KLHL29: variants seen among roughly 807,000 people sequenced by gnomAD.
The protein encoded by KLHL29 is kelch like family member 29.
A neutral mutation model predicts 80.4 loss-of-function variants in KLHL29; 21 were observed. That is an observed-to-expected ratio of 0.26 (90% confidence interval 0.19 to 0.38). The LOEUF is 0.38. Ranked by LOEUF, KLHL29 falls within the 10% of genes least tolerant of loss-of-function variation. KLHL29 has a pLI of 1.00. For missense variants in KLHL29, 867 were observed against 1,223.9 expected (o/e 0.71, Z 4.35); for synonymous variants, 511 against 526.8 (o/e 0.97, Z 0.41).
chr2:23,494,768 G>A (rs936608379), intron 2 of KLHL29, among the ~76,000 whole-genome samples: 7 of 149,940 alleles, frequency 4.7e-5, no homozygotes, highest in African/African-American at 1.5e-4. Flanking sequence ...TCTGGTGACC[G>A]TCACCTAGTT....
intron 1 of KLHL29, among the ~76,000 whole-genome samples, chr2:23,454,203 G>A (rs944689443): frequency 2.0e-5 from 3 of 152,122 alleles, no homozygotes; most frequent in African/African-American, 7.2e-5. Flanking sequence ...CTCCTTGCCC[G>A]AGGAGAAAGC....
At chr2:23,522,758 A>G (rs1410677126) in intron 2 of KLHL29, among the ~76,000 whole-genome samples, 1 of 152,052 alleles carries the variant, frequency 6.6e-6, no homozygotes, top group African/African-American at 2.4e-5. Context: ...CCGAGCTTTT[A>G]TTCCTGACTC....
At chr2:23,692,380 G>C (rs920342082) in intron 7 of KLHL29, among the ~76,000 whole-genome samples, 9 of 152,250 alleles carry the variant, frequency 5.9e-5, no homozygotes, top group Non-Finnish European at 1.2e-4. Context: ...CTCCCGGGGG[G>C]GTCGCTGACC....
Position 23,603,800 on chromosome 2 carries a change from C to T in KLHL29, c.286-35339C>T, listed in dbSNP as rs528183999. 1.6e-4 allele frequency among the ~76,000 whole-genome samples: 24 copies of T among 152,350 alleles called. No homozygotes were observed. The East Asian group carries it at 4.6e-3, about 29-fold the overall frequency. On this transcript the variant is annotated intron_variant, in intron 3 of 13. Coordinates refer to ENST00000486442, the MANE Select transcript of KLHL29 (RefSeq NM_052920.2). ...TCAGAGGCCCTGGTGCAGCTGCATT[C>T]ACGGTCCAGCGGGAAAGGAAGGCTG...
At position 23,533,660 on chromosome 2, in the gene KLHL29, T is replaced by C. The variant is rs1666572011; in HGVS notation, c.-45-28492T>C. Among the ~76,000 whole-genome samples, 3 of 152,274 alleles carry C rather than the reference T, an allele frequency of 2.0e-5. No homozygotes were observed. The South Asian group carries it at 6.2e-4, about 32-fold the overall frequency. Reference sequence around the variant, plus strand: ...CGTTTGGGCTGGGTGATGGCATTTGTAACAGTGTGAGGACCCCCCACTCTC... The same window carrying C: ...CGTTTGGGCTGGGTGATGGCATTTGCAACAGTGTGAGGACCCCCCACTCTC... On this transcript the variant is annotated intron_variant, in intron 2 of 13. Transcript: ENST00000486442.
chr2:23,608,808 A>G (rs910943335), intron 3 of KLHL29, among the ~76,000 whole-genome samples: 1 of 152,194 alleles, frequency 6.6e-6, no homozygotes, highest in African/African-American at 2.4e-5. Flanking sequence ...AAATCACACA[A>G]TTGTTTTTTT....
intron 1 of KLHL29, among the ~76,000 whole-genome samples, chr2:23,450,528 T>A (rs547849847): frequency 6.6e-6 from 1 of 152,162 alleles, no homozygotes; most frequent in East Asian, 1.9e-4. Context: ...CCCCCAAGAC[T>A]TCAGCCCTAG....
chr2:23,591,428 A>G (rs1403600159), intron 3 of KLHL29, among the ~76,000 whole-genome samples: 1 of 151,984 alleles, frequency 6.6e-6, no homozygotes, highest in African/African-American at 2.4e-5. Flanking sequence ...ACAGCACTTC[A>G]GACTCACTTC....
intron 5 of KLHL29, among the ~76,000 whole-genome samples, chr2:23,650,035 C>T (rs938309203): frequency 2.6e-5 from 4 of 152,224 alleles, no homozygotes; most frequent in African/African-American, 4.8e-5. Flanking sequence ...TGGCTTCTCT[C>T]CTGAGCCAGG....
At chr2:23,524,052 C>G (rs1666200675) in intron 2 of KLHL29, 1 of 471,414 alleles carries the variant, frequency 2.1e-6, no homozygotes, top group Non-Finnish European at 4.4e-6. Flanking sequence ...ATGCCTTCCT[C>G]TTCCGAAGGC....
At chr2:23,524,797 A>G (rs1666247739) in intron 2 of KLHL29, among the ~76,000 whole-genome samples, 1 of 152,230 alleles carries the variant, frequency 6.6e-6, no homozygotes, top group South Asian at 2.1e-4. Context: ...TGGTATGAAA[A>G]CATTACAGGA....
At position 23,546,577 on chromosome 2, in the gene KLHL29, G is replaced by C. The variant is rs1278175223; in HGVS notation, c.-45-15575G>C. Reference sequence around the variant, plus strand: ...GCCCGTCTCTACTCCCATGAGAAAAGCTTTGGGCTGACTATAGGGAGCAGC... The same window carrying C: ...GCCCGTCTCTACTCCCATGAGAAAACCTTTGGGCTGACTATAGGGAGCAGC... On this transcript the variant is annotated intron_variant, in intron 2 of 13. Transcript: ENST00000486442. Among the ~76,000 whole-genome samples, 11 of 152,276 alleles carry C rather than the reference G, an allele frequency of 7.2e-5. No individual in the cohort carries two copies. The South Asian group carries it at 2.3e-3, about 32-fold the overall frequency.
intron 2 of KLHL29, chr2:23,507,114 G>A: frequency 2.2e-6 from 1 of 452,230 alleles, no homozygotes. Context: ...CAACATCGCT[G>A]CCTGGGTGGA....
At chr2:23,661,892 C>G (rs974582502) in intron 5 of KLHL29, among the ~76,000 whole-genome samples, 1 of 152,270 alleles carries the variant, frequency 6.6e-6, no homozygotes, top group Admixed American at 6.5e-5. Flanking sequence ...GGAGGAGACC[C>G]TGGGCAGGTC....
intron 1 of KLHL29, among the ~76,000 whole-genome samples, chr2:23,410,413 G>T (rs891834385): frequency 6.6e-6 from 1 of 152,150 alleles, no homozygotes; most frequent in African/African-American, 2.4e-5. Flanking sequence ...GTGGTGCTGT[G>T]CTGGGCACTG....
At chr2:23,493,600 C>A (rs770708403) in intron 2 of KLHL29, among the ~76,000 whole-genome samples, 2 of 151,930 alleles carry the variant, frequency 1.3e-5, no homozygotes, top group Non-Finnish European at 2.9e-5. Context: ...TGACTCTATT[C>A]GAATATGCTA....
At chr2:23,475,307 G>A (rs971952221) in intron 1 of KLHL29, among the ~76,000 whole-genome samples, 5 of 142,624 alleles carry the variant, frequency 3.5e-5, no homozygotes, top group South Asian at 2.1e-4. Context: ...TCTGCCACTC[G>A]GAGTACTCTG....
intron 2 of KLHL29, among the ~76,000 whole-genome samples, chr2:23,537,928 C>T (rs895687222): frequency 2.0e-5 from 3 of 152,138 alleles, no homozygotes; most frequent in Non-Finnish European, 2.9e-5. Context: ...GGAAATACTT[C>T]CAAAACCCCA....
At chr2:23,699,343 G>A (rs1862899) in intron 11 of KLHL29, among the ~76,000 whole-genome samples, 2,094 of 152,308 alleles carry the variant, frequency 0.014, 20 homozygotes, top group Middle Eastern at 0.034. Context: ...CTCGCATTGC[G>A]TCCAGGCACT....
Sources: gnomAD v4.1 joint callset for allele counts (sites outside exome capture counted in the v4.1 genomes callset) on GRCh38, gnomAD v4.1.1 for gene constraint, MANE v1.5 for transcripts, NCBI Gene and HGNC (gene_info 2026-07-23, HGNC 2026-07-21) for gene names.